Variants in CLIC4 observed in about 807,000 individuals in gnomAD.
CLIC4 encodes the protein chloride intracellular channel protein 4.
A neutral mutation model predicts 24.6 loss-of-function variants in CLIC4; 13 were observed. The observed-to-expected ratio is 0.53, with a 90% CI of 0.34 to 0.84. The LOEUF is 0.84. CLIC4 is among the 40% of genes least tolerant of loss of function. The probability of loss-of-function intolerance (pLI) is 0.01; values close to 1 mark genes in which losing one functional copy is unlikely to be tolerated. For synonymous variants in CLIC4, 104 were observed against 111.3 expected, an observed-to-expected ratio of 0.93 and a Z score of 0.41; for missense variants, 227 against 301.7, an observed-to-expected ratio of 0.75 and a Z score of 1.83.
At chr1:24,793,244 A>G (rs1247055925) in intron 1 of CLIC4, 4 of 152,024 alleles carry the variant, frequency 2.6e-5, no homozygotes, top group Non-Finnish European at 5.9e-5. Flanking sequence ...TGTCTGTAGT[A>G]AATCCACTTG....
intron 3 of CLIC4, among the ~76,000 whole-genome samples, chr1:24,826,522 T>C (rs1639788385): frequency 6.6e-6 from 1 of 152,232 alleles, no homozygotes. Flanking sequence ...GCACTTGAAA[T>C]GTGACTAGTG....
chr1:24,783,736 T>C (rs988073502), intron 1 of CLIC4, among the ~76,000 whole-genome samples: 1 of 152,142 alleles, frequency 6.6e-6, no homozygotes, highest in Non-Finnish European at 1.5e-5. Flanking sequence ...GTAATTGTCT[T>C]CTGAACCAGA....
chr1:24,766,376 C>T (rs1322402183), intron 1 of CLIC4, among the ~76,000 whole-genome samples: 1 of 151,426 alleles, frequency 6.6e-6, no homozygotes, highest in Non-Finnish European at 1.5e-5. Flanking sequence ...AAATGATCCA[C>T]CTATCTTGGC....
At chr1:24,823,746 C>G (rs540834104) in intron 3 of CLIC4, among the ~76,000 whole-genome samples, 1 of 136,404 alleles carries the variant, frequency 7.3e-6, no homozygotes, top group South Asian at 2.3e-4. Flanking sequence ...TGTACTCTAG[C>G]CTGGACAATA....
chr1:24,765,014 C>T (rs1282098099), intron 1 of CLIC4, among the ~76,000 whole-genome samples: 2 of 152,168 alleles, frequency 1.3e-5, no homozygotes, highest in African/African-American at 4.8e-5. Context: ...GGAAGGCGTA[C>T]TATACACAAT....
chr1:24,777,425 T>A lies in CLIC4; in HGVS notation c.73-20317T>A, dbSNP rs370306003. Among the ~76,000 whole-genome samples, 30 of 152,168 alleles carry A rather than the reference T, an allele frequency of 2.0e-4. 1 individual carries two copies. In the South Asian group the frequency reaches 6.2e-3, roughly 32 times the overall value. On this transcript the variant is annotated intron_variant, in intron 1 of 5. Coordinates refer to ENST00000374379, the MANE Select transcript of CLIC4 (RefSeq NM_013943.3). The stretch of plus-strand genomic sequence containing the variant: ...CAGGCGTGGTGGCATGTGCCTGTAA[T>A]CCCAGCTACTCGGGAGGCTGAGGCA...
chr1:24,831,523 G>A (rs1639840400), intron 4 of CLIC4, among the ~76,000 whole-genome samples: 1 of 152,154 alleles, frequency 6.6e-6, no homozygotes, highest in African/African-American at 2.4e-5. Context: ...TTCAATGTTT[G>A]AATTCAGGCA....
At chr1:24,798,230 G>A (rs542087293) in intron 2 of CLIC4, among the ~76,000 whole-genome samples, 4 of 152,268 alleles carry the variant, frequency 2.6e-5, no homozygotes, top group South Asian at 2.1e-4. Context: ...TTATAATCTG[G>A]ATCTTCAAAG....
intron 2 of CLIC4, among the ~76,000 whole-genome samples, chr1:24,802,360 A>G (rs556907799): frequency 6.6e-6 from 1 of 152,314 alleles, no homozygotes; most frequent in South Asian, 2.1e-4. Context: ...AAATATGTGT[A>G]AGTGTATATG....
rs141863886 is a variant in CLIC4 at position 24,841,941 on chromosome 1, G to C, written c.*1004G>C. On this transcript the variant is annotated 3_prime_UTR_variant, in exon 6 of 6. Transcript: ENST00000374379. ...AAGGGTGGGTTTGTCAAAATATCAA[G>C]TAAATTTTTGTTTCTAAAGTACATT... 4.6e-5 allele frequency: 7 copies of C among 152,712 alleles called. 1 individual carries two copies. The highest frequency in any genetic ancestry group is 1.7e-4 in the African/African-American group (7 of 41,554). 9.5% of individuals were successfully genotyped at this position (152,712 alleles called of 1,614,324 possible). A position where few individuals can be genotyped will look rare whatever the true frequency, so the allele number is the denominator to read the frequency against.
At chr1:24,828,480 C>T (rs981109807) in intron 4 of CLIC4, among the ~76,000 whole-genome samples, 5 of 151,982 alleles carry the variant, frequency 3.3e-5, no homozygotes, top group African/African-American at 4.8e-5. Flanking sequence ...GCGCTTCATG[C>T]GAGCTAACTG....
intron 1 of CLIC4, among the ~76,000 whole-genome samples, chr1:24,758,427 C>G (rs1483831407): frequency 6.6e-6 from 1 of 151,558 alleles, no homozygotes; most frequent in Non-Finnish European, 1.5e-5. Context: ...TCCCAAGTAG[C>G]TGGGATTATA....
chr1:24,771,846 A>C (rs563979462), intron 1 of CLIC4: 62 of 507,532 alleles, frequency 1.2e-4, no homozygotes, highest in South Asian at 8.6e-4. Context: ...GCCAGGTTCA[A>C]GTCCTATGTG....
At chr1:24,770,055 C>T (rs920153714) in intron 1 of CLIC4, among the ~76,000 whole-genome samples, 12 of 151,864 alleles carry the variant, frequency 7.9e-5, no homozygotes. Flanking sequence ...GAGATGAGGT[C>T]TCACTGTGTT....
At chr1:24,772,518 C>G (rs1017912789) in intron 1 of CLIC4, among the ~76,000 whole-genome samples, 4 of 152,178 alleles carry the variant, frequency 2.6e-5, no homozygotes, top group Admixed American at 2.0e-4. Flanking sequence ...CGGAGTCTTG[C>G]TCTCTCGCCC....
chr1:24,797,774 C>T lies in CLIC4; in HGVS notation c.105C>T (p.Cys35=), dbSNP rs768536901. 1 of 1,613,296 alleles carries T rather than the reference C, an allele frequency of 6.2e-7. No individual in the cohort carries two copies. The highest frequency in any genetic ancestry group is 1.3e-5 in the African/African-American group (1 of 74,964). Residue 35 remains cysteine, a synonymous_variant, in exon 2 of 6, where the codon TGC becomes TGT. Coordinates refer to ENST00000374379, the MANE Select transcript of CLIC4 (RefSeq NM_013943.3). ...GTGATGGTGAAAGCATAGGAAACTG[C>T]CCCTTTTCCCAGAGGCTCTTCATGA... The part of the protein sequence containing the change: ...AGSDGESIGN[C]PFSQRLFMIL...
intron 1 of CLIC4, among the ~76,000 whole-genome samples, chr1:24,775,276 G>C (rs990103361): frequency 8.1e-6 from 1 of 122,892 alleles, no homozygotes; most frequent in African/African-American, 3.2e-5. Context: ...GATATACTTA[G>C]GTATGGCATT....
intron 4 of CLIC4, 34 bp from the exon 5 acceptor site, chr1:24,839,826 T>TA: frequency 6.3e-7 from 1 of 1,581,888 alleles, no homozygotes; most frequent in Non-Finnish European, 8.6e-7. Flanking sequence ...TTTTCCTTCT[T>TA]ACAGTATTCT....
chr1:24,745,534 G>A lies in CLIC4; in HGVS notation c.-20G>A. 2.5e-6 allele frequency: 4 copies of A among 1,574,802 alleles called. No homozygotes were observed. The highest frequency in any genetic ancestry group is 3.4e-6 in the Non-Finnish European group (4 of 1,164,270). The stretch of plus-strand genomic sequence containing the variant: ...AGCAGCAGCAGCCCTCGCCGTTCGC[G>A]GAGCGCAGCCGAGCCGGCCATGGCG... On this transcript the variant is annotated 5_prime_UTR_variant, in exon 1 of 6. Coordinates refer to ENST00000374379, the MANE Select transcript of CLIC4 (RefSeq NM_013943.3).
Sources: allele counts gnomAD v4.1 joint callset (sites outside exome capture counted in the v4.1 genomes callset), GRCh38; gene constraint gnomAD v4.1.1; transcripts MANE v1.5; gene names NCBI Gene and HGNC (gene_info 2026-07-23, HGNC 2026-07-21).